NALF1: variants seen among roughly 807,000 people sequenced by gnomAD.
NALF1 encodes family with sequence similarity 155 member A.
NALF1 carries 3 observed loss-of-function variants against 48.4 expected under a neutral mutation model. The ratio of observed to expected loss-of-function variants is 0.06; its 90% CI spans 0.03 to 0.16. The LOEUF is 0.16. Among genes scored for constraint, NALF1 ranks in the 10% least tolerant of loss-of-function variants. The probability of loss-of-function intolerance (pLI) is 1.00; values close to 1 mark genes in which losing one functional copy is unlikely to be tolerated. For missense variants in NALF1, 526 were observed against 571.5 expected (o/e 0.92, Z 0.81); for synonymous variants, 262 against 245.7 (o/e 1.07, Z -0.62).
In NALF1 at chr13:107,535,955, T is replaced by A. The variant is rs536126677; in HGVS notation, c.916-325200A>T. On this transcript the variant is annotated intron_variant, in intron 1 of 2. Transcript: ENST00000375915. ...ACAACCATCTGGTCTTTGACAAACC[T>A]GACAAAAACAAGAAATGGGGAAAGG... Among the ~76,000 whole-genome samples, 38 of 152,136 alleles carry A rather than the reference T, an allele frequency of 2.5e-4. 1 individual carries two copies. The highest frequency in any genetic ancestry group is 8.9e-4 in the African/African-American group (37 of 41,504).
chr13:107,560,495 G>A (rs1029107169), intron 1 of NALF1, among the ~76,000 whole-genome samples: 3 of 151,364 alleles, frequency 2.0e-5, no homozygotes, highest in East Asian at 1.9e-4. Flanking sequence ...GTTTCTTTCA[G>A]TACTTTAAAA....
chr13:107,424,871 T>C (rs1258279159), intron 1 of NALF1, among the ~76,000 whole-genome samples: 2 of 152,232 alleles, frequency 1.3e-5, no homozygotes, highest in Non-Finnish European at 1.5e-5. Context: ...ACTTTGGTAT[T>C]CTAGGTAAAT....
intron 1 of NALF1, among the ~76,000 whole-genome samples, chr13:107,608,203 G>T (rs1353693800): frequency 3.3e-5 from 5 of 152,162 alleles, no homozygotes; most frequent in African/African-American, 1.2e-4. Context: ...GCTTCTCCCA[G>T]CTCTCTTGTG....
At chr13:107,782,956 C>A (rs1427206520) in intron 1 of NALF1, among the ~76,000 whole-genome samples, 3 of 145,848 alleles carry the variant, frequency 2.1e-5, no homozygotes, top group African/African-American at 5.1e-5. Flanking sequence ...CCGCCCCGTC[C>A]GGGAGGGAGG....
intron 1 of NALF1, among the ~76,000 whole-genome samples, chr13:107,661,235 C>T (rs942244477): frequency 6.6e-6 from 1 of 152,146 alleles, no homozygotes; most frequent in Non-Finnish European, 1.5e-5. Context: ...CCAGCCACCC[C>T]ACACTTGCCT....
chr13:107,458,916 T>C (rs1236766683), intron 1 of NALF1, among the ~76,000 whole-genome samples: 2 of 152,174 alleles, frequency 1.3e-5, no homozygotes, highest in African/African-American at 4.8e-5. Context: ...AGTGTTTCTA[T>C]ACACACCTTC....
chr13:107,334,710 C>A (rs1179095837), intron 1 of NALF1, among the ~76,000 whole-genome samples: 1 of 152,086 alleles, frequency 6.6e-6, no homozygotes, highest in African/African-American at 2.4e-5. Flanking sequence ...ACATTTAAAG[C>A]TAAGATTTTT....
chr13:107,622,297 G>C (rs1879540309), intron 1 of NALF1, among the ~76,000 whole-genome samples: 1 of 151,726 alleles, frequency 6.6e-6, no homozygotes, highest in Admixed American at 6.6e-5. Context: ...AATTAGCCAG[G>C]CATAGTGGCG....
chr13:107,372,223 G>A (rs190450654), intron 1 of NALF1, among the ~76,000 whole-genome samples: 42 of 152,310 alleles, frequency 2.8e-4, no homozygotes, highest in Non-Finnish European at 7.3e-5. Context: ...TTTAAACAAT[G>A]TACATGGAAT....
At chr13:107,600,445 T>A (rs1161374684) in intron 1 of NALF1, among the ~76,000 whole-genome samples, 1 of 149,118 alleles carries the variant, frequency 6.7e-6, no homozygotes, top group East Asian at 2.0e-4. Flanking sequence ...TTATGTAGGT[T>A]AATGTCTTTT....
intron 1 of NALF1, among the ~76,000 whole-genome samples, chr13:107,851,620 G>C (rs1880315805): frequency 6.6e-6 from 1 of 152,030 alleles, no homozygotes; most frequent in Non-Finnish European, 1.5e-5. Flanking sequence ...TCTTAAGCAA[G>C]GAGAAGGAAC....
At chr13:107,696,675 T>G (rs1484475976) in intron 1 of NALF1, among the ~76,000 whole-genome samples, 1 of 152,050 alleles carries the variant, frequency 6.6e-6, no homozygotes, top group Non-Finnish European at 1.5e-5. Flanking sequence ...TTATATTAGG[T>G]AGTGCATATG....
intron 2 of NALF1, among the ~76,000 whole-genome samples, chr13:107,203,340 G>A (rs1051280997): frequency 3.9e-5 from 6 of 152,116 alleles, no homozygotes; most frequent in African/African-American, 7.2e-5. Context: ...GTGTGTTATC[G>A]CCTCCTGGCT....
chr13:107,175,394 C>CT (rs1241667942), intron 2 of NALF1, among the ~76,000 whole-genome samples: 1 of 152,118 alleles, frequency 6.6e-6, no homozygotes, highest in African/African-American at 2.4e-5. Context: ...CGAACTGACT[C>CT]TGTTTCCTCT....
chr13:107,717,538 A>G (rs143376609), intron 1 of NALF1, among the ~76,000 whole-genome samples: 3 of 152,248 alleles, frequency 2.0e-5, no homozygotes, highest in Admixed American at 1.3e-4. Context: ...TGTGTTCATT[A>G]AGGTATCTCG....
intron 1 of NALF1, among the ~76,000 whole-genome samples, chr13:107,661,743 A>G (rs1870481520): frequency 6.6e-6 from 1 of 152,192 alleles, no homozygotes; most frequent in South Asian, 2.1e-4. Context: ...CCCAATTCAC[A>G]TTGAGGCAAT....
chr13:107,573,012 C>T (rs1166863072), intron 1 of NALF1, among the ~76,000 whole-genome samples: 1 of 152,140 alleles, frequency 6.6e-6, no homozygotes, highest in Non-Finnish European at 1.5e-5. Context: ...TTGCTCCCCA[C>T]TGTCCACCCT....
chr13:107,826,746 G>C (rs1879533334), intron 1 of NALF1, among the ~76,000 whole-genome samples: 1 of 152,164 alleles, frequency 6.6e-6, no homozygotes, highest in African/African-American at 2.4e-5. Flanking sequence ...TTTGGATTCA[G>C]AAACATTTCA....
chr13:107,743,121 T>C (rs2138545946), intron 1 of NALF1, among the ~76,000 whole-genome samples: 1 of 152,274 alleles, frequency 6.6e-6, no homozygotes, highest in East Asian at 1.9e-4. Context: ...AGAGGGAATT[T>C]AGCATGTCGA....
Sources: allele counts gnomAD v4.1 joint callset (sites outside exome capture counted in the v4.1 genomes callset), GRCh38; gene constraint gnomAD v4.1.1; transcripts MANE v1.5; gene names NCBI Gene and HGNC (gene_info 2026-07-23, HGNC 2026-07-21).